MYPN: variants seen among roughly 807,000 people sequenced by gnomAD.
MYPN encodes the protein sarcomeric protein myopalladin, 145 kDa (MYOP).
A neutral mutation model predicts 129.4 loss-of-function variants in MYPN; 63 were observed. That is an observed-to-expected ratio of 0.49 (90% CI 0.40 to 0.60). MYPN has a LOEUF of 0.60. Ranked by LOEUF, MYPN falls within the 20% of genes least tolerant of loss-of-function variation. MYPN has a pLI of 0.00. For synonymous variants in MYPN, 629 were observed against 600.9 expected (o/e 1.05, Z -0.68); for missense variants, 1,596 against 1,635.4 (o/e 0.98, Z 0.42).
At chr10:68,196,892 G>A (rs1322219488) in intron 15 of MYPN, among the ~76,000 whole-genome samples, 2 of 152,052 alleles carry the variant, frequency 1.3e-5, no homozygotes, top group Non-Finnish European at 2.9e-5. Context: ...CATCTTTAAT[G>A]GTCTGCCATA....
At chr10:68,181,506 T>G (rs10997990) in intron 12 of MYPN, among the ~76,000 whole-genome samples, 7,941 of 151,986 alleles carry the variant, frequency 0.052, 241 homozygotes, top group Middle Eastern at 0.065. Flanking sequence ...GCCAGGCTGG[T>G]CTCGAACTCT....
At chr10:68,119,385 T>TTTTA (rs141638905) in intron 1 of MYPN, among the ~76,000 whole-genome samples, 60,808 of 144,172 alleles carry the variant, frequency 0.42, 13,777 homozygotes, top group Non-Finnish European at 0.51. Flanking sequence ...TTGCATTTTA[T>TTTTA]TTTATTTATT....
intron 4 of MYPN, among the ~76,000 whole-genome samples, chr10:68,147,837 T>A (rs1306998753): frequency 6.6e-6 from 1 of 152,208 alleles, no homozygotes; most frequent in African/African-American, 2.4e-5. Context: ...AATACTCTCT[T>A]TAATTTAATT....
chr10:68,150,123 A>G lies in MYPN; in HGVS notation c.1317+12A>G. 1 of 1,604,050 alleles carries G rather than the reference A, an allele frequency of 6.2e-7. No homozygotes were observed. The highest frequency in any genetic ancestry group is 8.5e-7 in the Non-Finnish European group (1 of 1,170,996). On this transcript the variant is annotated intron_variant, in intron 6 of 19. Coordinates refer to ENST00000358913, the MANE Select transcript of MYPN (RefSeq NM_032578.4). ...CTGTGTTTACAAAGGTAATAAAAAT[A>G]TTACTTCTTTCTGTCATGGCTTTAA...
chr10:68,115,905 T>G (rs997602844), intron 1 of MYPN, among the ~76,000 whole-genome samples: 1 of 152,236 alleles, frequency 6.6e-6, no homozygotes, highest in Non-Finnish European at 1.5e-5. Flanking sequence ...GAACATTTTT[T>G]TTTACCAGAT....
intron 2 of MYPN, among the ~76,000 whole-genome samples, chr10:68,142,328 G>A (rs907635548): frequency 5.3e-5 from 8 of 152,018 alleles, no homozygotes; most frequent in Non-Finnish European, 1.0e-4. Context: ...CAGAAAACTA[G>A]GCTGTAATAA....
At chr10:68,175,291 A>G in intron 11 of MYPN, 32 bp from the exon 12 acceptor site, 2 of 1,613,554 alleles carry the variant, frequency 1.2e-6, no homozygotes, top group Non-Finnish European at 1.7e-6. Context: ...AGTGCTTTTC[A>G]TGGGTGTGTC....
intron 6 of MYPN, among the ~76,000 whole-genome samples, chr10:68,153,709 T>C (rs758362422): frequency 1.6e-4 from 24 of 152,232 alleles, no homozygotes; most frequent in Non-Finnish European, 3.2e-4. Flanking sequence ...TCATAGTCAC[T>C]GCCAGTGTCA....
chr10:68,109,683 T>C lies in MYPN; in HGVS notation c.-42T>C, dbSNP rs1449408395. The C allele has an allele frequency of 2.2e-6, 1 of 454,106 alleles. No individual in the cohort carries two copies. The highest frequency in any genetic ancestry group is 2.3e-5 in the Admixed American group (1 of 42,564). The allele number at this position is 454,106 out of a possible 1,614,324, so 28.1% of individuals were successfully genotyped here. On this transcript the variant is annotated 5_prime_UTR_variant, in exon 1 of 20. Transcript: ENST00000358913. Reference sequence around the variant, plus strand: ...ATAATTATCATTGCAGTGGAGTGCCTGGATTGGACATCCTCATCTGGGTCA... The same window carrying C: ...ATAATTATCATTGCAGTGGAGTGCCCGGATTGGACATCCTCATCTGGGTCA...
chr10:68,160,230 T>C (rs1161346588), intron 7 of MYPN, among the ~76,000 whole-genome samples: 1 of 151,670 alleles, frequency 6.6e-6, no homozygotes. Context: ...CTGGCCAACA[T>C]GGTGAAACCC....
chr10:68,090,836 T>C (rs1367839720), intron 1 of MYPN, among the ~76,000 whole-genome samples: 1 of 152,192 alleles, frequency 6.6e-6, no homozygotes, highest in Non-Finnish European at 1.5e-5. Context: ...TTGACTGTCA[T>C]AAGACCTTGG....
At chr10:68,206,677 A>C in intron 18 of MYPN, 93 bp from the exon 19 acceptor site, 5 of 1,555,532 alleles carry the variant, frequency 3.2e-6, no homozygotes, top group Non-Finnish European at 4.4e-6. Flanking sequence ...GTCTGCCTTA[A>C]GCTGAGTTCC....
intron 6 of MYPN, among the ~76,000 whole-genome samples, chr10:68,154,381 CA>C (rs1470579282): frequency 6.6e-6 from 1 of 152,182 alleles, no homozygotes; most frequent in African/African-American, 2.4e-5. Context: ...TGCAAGGGGG[CA>C]GGGGAAGCGA....
At chr10:68,133,819 G>C (rs2042446051) in intron 2 of MYPN, among the ~76,000 whole-genome samples, 1 of 150,582 alleles carries the variant, frequency 6.6e-6, no homozygotes, top group African/African-American at 2.5e-5. Context: ...TGGACAAGCA[G>C]GGCAGCATCC....
chr10:68,197,544 T>G (rs2071721887), intron 16 of MYPN, 66 bp downstream of exon 16: 13 of 1,603,828 alleles, frequency 8.1e-6, no homozygotes, highest in Non-Finnish European at 1.1e-5. Context: ...GCATTCATTT[T>G]TATTTGTATT....
chr10:68,184,521 C>G (rs748543778), intron 12 of MYPN, among the ~76,000 whole-genome samples: 1 of 152,110 alleles, frequency 6.6e-6, no homozygotes, highest in Non-Finnish European at 1.5e-5. Flanking sequence ...CTCTGCCTCC[C>G]GGGTTCAAGT....
At chr10:68,136,165 A>G in intron 2 of MYPN, 3 of 958,388 alleles carry the variant, frequency 3.1e-6, no homozygotes, top group Non-Finnish European at 3.7e-6. Flanking sequence ...GTCCAGTTAC[A>G]TCTGAAAAAT....
At chr10:68,109,430 C>A, upstream of MYPN, 1 of 443,742 alleles carries the variant, frequency 2.3e-6, no homozygotes, top group South Asian at 1.6e-5. Context: ...CCTGTCCAAT[C>A]AGGTGGAATG....
chr10:68,102,141 T>TTTTTTTTG (rs1229744590), upstream of MYPN, among the ~76,000 whole-genome samples: 3 of 149,888 alleles, frequency 2.0e-5, no homozygotes, highest in African/African-American at 7.4e-5. Flanking sequence ...TTTTTTTTTT[T>TTTTTTTTG]TTGAGATAGG....
Sources: allele counts gnomAD v4.1 joint callset (sites outside exome capture counted in the v4.1 genomes callset), GRCh38; gene constraint gnomAD v4.1.1; transcripts MANE v1.5; gene names NCBI Gene and HGNC (gene_info 2026-07-23, HGNC 2026-07-21).